ADGRL2: variants seen among roughly 807,000 people sequenced by gnomAD.
ADGRL2 encodes the protein calcium-independent alpha-latrotoxin receptor 2.
ADGRL2 carries 44 observed loss-of-function variants against 157.4 expected under a neutral mutation model. The ratio of observed to expected loss-of-function variants is 0.28; its 90% CI spans 0.22 to 0.36. ADGRL2 has a LOEUF of 0.36. Among genes scored for constraint, ADGRL2 ranks in the 10% least tolerant of loss-of-function variants. The pLI, the probability that ADGRL2 is intolerant of heterozygous loss-of-function variation, is 1.00. For synonymous variants in ADGRL2, 585 were observed against 624.7 expected, an observed-to-expected ratio of 0.94 and a Z score of 0.95; for missense variants, 1,510 against 1,768.9, an observed-to-expected ratio of 0.85 and a Z score of 2.63.
At chr1:81,961,033 A>G (rs1278211170) in intron 11 of ADGRL2, among the ~76,000 whole-genome samples, 1 of 152,186 alleles carries the variant, frequency 6.6e-6, no homozygotes, top group African/African-American at 2.4e-5. Flanking sequence ...GGCAGAGGTC[A>G]TAGTTCTTCC....
At position 81,415,655 on chromosome 1, in the gene ADGRL2, G is replaced by A. The variant is rs562588720; in HGVS notation, c.-301-29381G>A. Among the ~76,000 whole-genome samples, 6 of 152,278 alleles carry A rather than the reference G, an allele frequency of 3.9e-5. No individual in the cohort carries two copies. In the East Asian group the frequency reaches 1.2e-3, roughly 29 times the overall value. ...TTTGGCTTACAAATACTCCCTGCGA[G>A]TATGACCCAAATCAGAGCATCTGAC... On this transcript the variant is annotated intron_variant, in intron 1 of 24. Transcript: ENST00000370721.
chr1:81,515,518 T>C (rs2079158999), intron 2 of ADGRL2, among the ~76,000 whole-genome samples: 1 of 152,282 alleles, frequency 6.6e-6, no homozygotes, highest in African/African-American at 2.4e-5. Flanking sequence ...TGACAGTGTC[T>C]GTATAGACAG....
At chr1:81,467,899 A>C (rs12035255) in intron 2 of ADGRL2, among the ~76,000 whole-genome samples, 1,555 of 150,268 alleles carry the variant, frequency 0.01, 29 homozygotes, top group East Asian at 0.067. Context: ...TTTTCAAATT[A>C]AAAAAAAATC....
At chr1:81,426,438 A>T in intron 1 of ADGRL2, 2 of 373,252 alleles carry the variant, frequency 5.4e-6, no homozygotes, top group Non-Finnish European at 1.0e-5. Context: ...GAGTCGGAAG[A>T]GGTGAGTCCG....
At chr1:81,642,431 G>GA (rs1327947310) in intron 3 of ADGRL2, among the ~76,000 whole-genome samples, 108 of 103,990 alleles carry the variant, frequency 1.0e-3, no homozygotes, top group East Asian at 1.5e-3. Context: ...AAAAAGAAAA[G>GA]AAAAAAAAAA....
chr1:81,457,414 C>T (rs895904661), intron 2 of ADGRL2, among the ~76,000 whole-genome samples: 5 of 151,982 alleles, frequency 3.3e-5, no homozygotes, highest in East Asian at 3.9e-4. Context: ...TTTAGACACT[C>T]GATACTAATC....
At chr1:81,684,139 G>A (rs938852876) in intron 3 of ADGRL2, among the ~76,000 whole-genome samples, 3 of 152,090 alleles carry the variant, frequency 2.0e-5, no homozygotes, top group Non-Finnish European at 4.4e-5. Flanking sequence ...TTTCCTCTGG[G>A]TAGATACCCA....
chr1:81,436,185 A>G (rs2077406066), intron 1 of ADGRL2, among the ~76,000 whole-genome samples: 1 of 152,204 alleles, frequency 6.6e-6, no homozygotes, highest in African/African-American at 2.4e-5. Flanking sequence ...TATAACATAT[A>G]TTCAATTCTC....
intron 2 of ADGRL2, among the ~76,000 whole-genome samples, chr1:81,879,671 G>T (rs1483270370): frequency 2.0e-5 from 3 of 152,094 alleles, no homozygotes; most frequent in African/African-American, 7.2e-5. Context: ...AATTCGATTT[G>T]CATTCCTCCT....
At chr1:81,748,216 C>A (rs12124218) in intron 1 of ADGRL2, among the ~76,000 whole-genome samples, 1 of 151,990 alleles carries the variant, frequency 6.6e-6, no homozygotes, top group South Asian at 2.1e-4. Context: ...CGGTGGCTCA[C>A]GCCTGTAATC....
At chr1:81,582,355 A>G (rs2080933697) in intron 3 of ADGRL2, among the ~76,000 whole-genome samples, 1 of 152,146 alleles carries the variant, frequency 6.6e-6, no homozygotes, top group South Asian at 2.1e-4. Flanking sequence ...GATCAAAATA[A>G]CTATTTTTAT....
intron 2 of ADGRL2, among the ~76,000 whole-genome samples, chr1:81,494,756 C>T (rs1198920446): frequency 6.6e-6 from 1 of 152,054 alleles, no homozygotes; most frequent in Non-Finnish European, 1.5e-5. Context: ...TTTTCTTCAT[C>T]TTGGAATCTT....
intron 2 of ADGRL2, among the ~76,000 whole-genome samples, chr1:81,554,878 A>G (rs1173649976): frequency 6.6e-6 from 1 of 152,124 alleles, no homozygotes; most frequent in East Asian, 1.9e-4. Flanking sequence ...TGTATATTTA[A>G]GGGGAATAAT....
intron 3 of ADGRL2, among the ~76,000 whole-genome samples, chr1:81,601,664 A>C (rs2081335663): frequency 6.6e-6 from 1 of 152,176 alleles, no homozygotes. Context: ...AAAGCCCCCA[A>C]AATATTCCAG....
At chr1:81,880,818 TG>T (rs1425893597) in intron 2 of ADGRL2, among the ~76,000 whole-genome samples, 1 of 152,044 alleles carries the variant, frequency 6.6e-6, no homozygotes, top group East Asian at 1.9e-4. Context: ...ATGACATTGG[TG>T]GGTTGGATGT....
At chr1:81,981,464 C>A (rs995404110) in intron 18 of ADGRL2, among the ~76,000 whole-genome samples, 2 of 151,854 alleles carry the variant, frequency 1.3e-5, no homozygotes, top group Non-Finnish European at 2.9e-5. Flanking sequence ...AATAAAAATA[C>A]AGGAGTAAAT....
In ADGRL2 at chr1:81,838,983, T is replaced by G. The variant is rs709704; in HGVS notation, c.73+1926T>G. 2.0e-5 allele frequency among the ~76,000 whole-genome samples: 3 copies of G among 151,864 alleles called. No homozygotes were observed. The South Asian group carries it at 6.2e-4, about 32-fold the overall frequency. ...TAGTTAATACACACTGTTAGAACAT[T>G]GATCTAGTATTGCATGGGTTTGTCT... On this transcript the variant is annotated intron_variant, in intron 2 of 23. Transcript: ENST00000686636.
chr1:81,347,757 T>A (rs1662584522), intron 1 of ADGRL2, among the ~76,000 whole-genome samples: 1 of 152,142 alleles, frequency 6.6e-6, no homozygotes, highest in Non-Finnish European at 1.5e-5. Flanking sequence ...GATAAAAAGA[T>A]CATGGATGCA....
chr1:81,660,805 A>G (rs1283407563), intron 3 of ADGRL2, among the ~76,000 whole-genome samples: 2 of 152,224 alleles, frequency 1.3e-5, no homozygotes, highest in East Asian at 1.9e-4. Context: ...GATCAAAAAT[A>G]TGTTTTGAGT....
Sources: allele counts gnomAD v4.1 joint callset (sites outside exome capture counted in the v4.1 genomes callset), GRCh38; gene constraint gnomAD v4.1.1; transcripts MANE v1.5; gene names NCBI Gene and HGNC (gene_info 2026-07-23, HGNC 2026-07-21).